CHFR: variants seen among roughly 807,000 people sequenced by gnomAD.
The protein encoded by CHFR is checkpoint with forkhead and ring finger domains, also known as E3 ubiquitin-protein ligase CHFR.
A neutral mutation model predicts 87.6 loss-of-function variants in CHFR; 57 were observed. That is an observed-to-expected ratio of 0.65 (90% CI 0.53 to 0.81). The LOEUF is 0.81. Ranked by LOEUF, CHFR falls within the 30% of genes least tolerant of loss-of-function variation. The pLI, the probability that CHFR is intolerant of heterozygous loss-of-function variation, is 0.00. For synonymous variants in CHFR, 381 were observed against 359.2 expected, an observed-to-expected ratio of 1.06 and a Z score of -0.69; for missense variants, 797 against 865.8, an observed-to-expected ratio of 0.92 and a Z score of 1.00.
At chr12:132,842,003 G>A (rs1036217782) in intron 17 of CHFR, among the ~76,000 whole-genome samples, 30 of 151,792 alleles carry the variant, frequency 2.0e-4, no homozygotes, top group African/African-American at 6.8e-4. Context: ...CCTGCTACTC[G>A]GGAGGCTGAG....
intron 14 of CHFR, chr12:132,847,762 G>T: frequency 8.1e-7 from 1 of 1,231,036 alleles, no homozygotes; most frequent in Non-Finnish European, 1.0e-6. Context: ...CTTGCTAAAG[G>T]GCGGCACCTT....
At chr12:132,842,433 C>T (rs1310748248) in intron 17 of CHFR, among the ~76,000 whole-genome samples, 3 of 152,240 alleles carry the variant, frequency 2.0e-5, no homozygotes, top group African/African-American at 7.2e-5. Context: ...AGGGAGGCGC[C>T]TTTCTCTGAG....
At chr12:132,854,198 G>A (rs933541831) in intron 10 of CHFR, 2 of 152,330 alleles carry the variant, frequency 1.3e-5, no homozygotes, top group African/African-American at 2.4e-5. Context: ...ACAGTGAAAA[G>A]ACATTTTTTT....
intron 2 of CHFR, among the ~76,000 whole-genome samples, chr12:132,884,918 C>T (rs903463826): frequency 6.6e-6 from 1 of 152,022 alleles, no homozygotes; most frequent in Non-Finnish European, 1.5e-5. Context: ...GAAACCCCAT[C>T]TCTACTAAAA....
chr12:132,871,151 CT>C (rs1951478642), intron 4 of CHFR, among the ~76,000 whole-genome samples: 1 of 152,232 alleles, frequency 6.6e-6, no homozygotes, highest in South Asian at 2.1e-4. Flanking sequence ...CCACTGTGGT[CT>C]TTAGGTATTT....
In CHFR at chr12:132,847,094, T is replaced by A. The variant is rs200187965; in HGVS notation, c.1684A>T (p.Met562Leu). 1 of 1,613,818 alleles carries A rather than the reference T, an allele frequency of 6.2e-7. No individual in the cohort carries two copies. The highest frequency in any genetic ancestry group is 1.7e-5 in the Admixed American group (1 of 60,012). Residue 562 changes from methionine to leucine, a missense_variant, in exon 15 of 18, where the codon ATG (methionine) becomes TTG (leucine). Coordinates refer to ENST00000450056, the MANE Select transcript of CHFR (RefSeq NM_001161346.2). Reference protein sequence around the residue: ...LATRGLTWKNMLTESLVALQR... With the variant: ...LATRGLTWKNLLTESLVALQR... ...AGAGCCACGAGGCTCTCGGTCAACA[T>A]GTTTTTCCATGTCAAACCTCTGGTT...
chr12:132,855,849 A>C (rs1372013312), intron 10 of CHFR, among the ~76,000 whole-genome samples: 1 of 143,178 alleles, frequency 7.0e-6, no homozygotes, highest in Non-Finnish European at 1.6e-5. Flanking sequence ...TAAAAGTTTC[A>C]AGTGTTTTTT....
chr12:132,856,443 G>A, intron 10 of CHFR, 25 bp downstream of exon 10: 1 of 1,612,096 alleles, frequency 6.2e-7, no homozygotes, highest in Non-Finnish European at 8.5e-7. Context: ...CACACACTCT[G>A]CTCTGAGCCA....
intron 3 of CHFR, among the ~76,000 whole-genome samples, chr12:132,874,010 A>C (rs977412347): frequency 6.6e-6 from 1 of 151,674 alleles, no homozygotes; most frequent in African/African-American, 2.4e-5. Context: ...CTGCCTGAGC[A>C]CCCCTCCCCT....
rs3832804 is a variant in CHFR at position 132,841,396 on chromosome 12, T to TAA, written c.*156_*157dup. ...TCTGGGGAGGGTCTCACTCAGAGGG[T>TAA]AAAGCTCCACAGAAGAGTCACCCCA... On this transcript the variant is annotated 3_prime_UTR_variant, in exon 18 of 18. Transcript: ENST00000450056. 304,378 of 663,144 alleles carry TAA rather than the reference T, an allele frequency of 0.46. 73,070 individuals carry two copies. Among genetic ancestry groups the TAA allele is most frequent in the South Asian group, 0.6 (33,239 of 55,476 alleles). The allele number at this position is 663,144 out of a possible 1,614,324, so 41.1% of individuals were successfully genotyped here.
intron 4 of CHFR, among the ~76,000 whole-genome samples, chr12:132,871,680 G>A (rs1044396593): frequency 3.3e-5 from 5 of 152,038 alleles, no homozygotes; most frequent in African/African-American, 9.7e-5. Context: ...GCTGAGGCAG[G>A]AGAATTGCTT....
At chr12:132,856,724 C>G (rs780706994) in intron 9 of CHFR, 94 bp from the exon 10 acceptor site, 27 of 1,384,870 alleles carry the variant, frequency 1.9e-5, no homozygotes, top group Non-Finnish European at 3.1e-6. Context: ...CGCAGTGCTG[C>G]GGAAGGAGGG....
rs1000752554 is a variant in CHFR, at chr12:132,848,785, C to T, written c.1493-61G>A. Reference sequence around the variant, plus strand: ...GCTGAGGGCTGTCTCCAACACAATTCGTCAGCACCAGGCTCAGGAGCTCAA... The same window carrying T: ...GCTGAGGGCTGTCTCCAACACAATTTGTCAGCACCAGGCTCAGGAGCTCAA... On this transcript the variant is annotated intron_variant, in intron 12 of 17. Transcript: ENST00000450056. 61 of 1,258,188 alleles carry T rather than the reference C, an allele frequency of 4.8e-5. No homozygotes were observed. In the African/African-American group the frequency reaches 8.3e-4, roughly 17 times the overall value. The allele number at this position is 1,258,188 out of a possible 1,614,324, so 77.9% of individuals were successfully genotyped here. A position where few individuals can be genotyped will look rare whatever the true frequency, so the allele number is the denominator to read the frequency against.
intron 3 of CHFR, among the ~76,000 whole-genome samples, chr12:132,875,684 G>A (rs563447706): frequency 5.3e-5 from 8 of 152,266 alleles, no homozygotes; most frequent in Non-Finnish European, 1.0e-4. Flanking sequence ...CTTCCCTTCC[G>A]AGAAATCATC....
intron 2 of CHFR, among the ~76,000 whole-genome samples, chr12:132,883,656 G>A (rs1428667315): frequency 6.6e-6 from 1 of 152,188 alleles, no homozygotes; most frequent in Non-Finnish European, 1.5e-5. Context: ...GAACCCAAGA[G>A]GCAGAGCTTG....
intron 12 of CHFR, among the ~76,000 whole-genome samples, chr12:132,850,964 C>CATATATATAT (rs55826641): frequency 1.5e-3 from 209 of 135,668 alleles, no homozygotes; most frequent in Middle Eastern, 3.8e-3. Flanking sequence ...TATGTGTGTG[C>CATATATATAT]ATATATATAT....
At chr12:132,844,670 G>A (rs1029308286) in intron 15 of CHFR, among the ~76,000 whole-genome samples, 9 of 151,656 alleles carry the variant, frequency 5.9e-5, no homozygotes, top group African/African-American at 1.5e-4. Context: ...TTGCTCTGTC[G>A]CCCAGGCTAG....
At chr12:132,880,736 G>A (rs1353256091) in intron 2 of CHFR, among the ~76,000 whole-genome samples, 1 of 152,118 alleles carries the variant, frequency 6.6e-6, no homozygotes, top group East Asian at 1.9e-4. Flanking sequence ...GGAGGCCGAG[G>A]CGGGCGGATC....
In CHFR at chr12:132,857,562, G is replaced by T. The variant is rs368057398; in HGVS notation, c.912-3C>A. ...ACGTGTGCATGCAGGGCTGCAAACT[G>T]AAAGTGCAAGAGGAACAGTGTCCAG... On this transcript the variant is annotated splice_region_variant and splice_polypyrimidine_tract_variant and intron_variant, in intron 8 of 17. Coordinates refer to ENST00000450056, the MANE Select transcript of CHFR (RefSeq NM_001161346.2). 5 of 1,613,392 alleles carry T rather than the reference G, an allele frequency of 3.1e-6. No homozygotes were observed. Among genetic ancestry groups the T allele is most frequent in the Middle Eastern group, 3.3e-4 (2 of 6,084 alleles).
Sources: allele counts gnomAD v4.1 joint callset (sites outside exome capture counted in the v4.1 genomes callset), GRCh38; gene constraint gnomAD v4.1.1; transcripts MANE v1.5; gene names NCBI Gene and HGNC (gene_info 2026-07-23, HGNC 2026-07-21).